POLG: variants seen among roughly 807,000 people sequenced by gnomAD.
POLG encodes DNA polymerase subunit gamma-1.
Under a neutral mutation model 155.4 loss-of-function variants are expected in POLG, and 110 were observed. The ratio of observed to expected loss-of-function variants is 0.71; its 90% CI spans 0.61 to 0.83. The LOEUF is 0.83. Among genes scored for constraint, POLG ranks in the 40% least tolerant of loss-of-function variants. POLG has a pLI of 0.00. For synonymous variants in POLG, 701 were observed against 631.5 expected, an observed-to-expected ratio of 1.11 and a Z score of -1.65; for missense variants, 1,685 against 1,627.5, an observed-to-expected ratio of 1.04 and a Z score of -0.61.
At chr15:89,334,008 C>T (rs780355946) in intron 1 of POLG, 95 bp from the exon 2 acceptor site, 1 of 566,344 alleles carries the variant, frequency 1.8e-6, no homozygotes, top group Non-Finnish European at 3.1e-6. Flanking sequence ...GCGTCCCCAA[C>T]ACTGTGCCAG....
intron 10 of POLG, among the ~76,000 whole-genome samples, chr15:89,325,123 TGAGTGA>T (rs1229869559): frequency 2.5e-5 from 1 of 39,294 alleles, no homozygotes; most frequent in South Asian, 8.1e-4. Context: ...AGTGAGTGAG[TGAGTGA>T]GAGAGTGAGT....
intron 8 of POLG, 28 bp from the exon 9 acceptor site, chr15:89,326,766 A>G: frequency 1.2e-6 from 2 of 1,614,008 alleles, no homozygotes; most frequent in Admixed American, 1.7e-5. Flanking sequence ...GACAATCAGG[A>G]GCAGGAGAAG....
Position 89,332,007 on chromosome 15 carries a change from C to G in POLG, c.659+1089G>C, listed in dbSNP as rs148080933. On this transcript the variant is annotated intron_variant, in intron 2 of 22. Transcript: ENST00000268124. ...TTGAGGTAATTTGGCCTAAAATGAC[C>G]GACAGATCAAAAAACAAATCTTTCT... Among the ~76,000 whole-genome samples the G allele has an allele frequency of 2.6e-4, 40 of 152,244 alleles. 2 individuals are homozygous for G. The highest frequency in any genetic ancestry group is 2.5e-3 in the East Asian group (13 of 5,182).
intron 22 of POLG, 85 bp downstream of exon 22, chr15:89,317,291 G>A: frequency 7.4e-7 from 1 of 1,352,082 alleles, no homozygotes; most frequent in Non-Finnish European, 1.1e-6. Flanking sequence ...ATTCTCTGGG[G>A]CCCCAAGTTT....
chr15:89,328,051 T>A (rs922134335), intron 6 of POLG, among the ~76,000 whole-genome samples: 6 of 149,938 alleles, frequency 4.0e-5, no homozygotes, highest in Admixed American at 3.3e-4. Context: ...AGTCAAAAGT[T>A]ACACCCAAAT....
rs529548208 is a variant in POLG at position 89,329,228 on chromosome 15, C to T, written c.856-118G>A. On this transcript the variant is annotated intron_variant, in intron 3 of 22. Transcript: ENST00000268124. ...CACCTCAGCTCCTCAAACAGCCTCCCCTCCCAGCACACAGCCTTCAACACC... is the reference window on the plus strand; with the variant it reads ...CACCTCAGCTCCTCAAACAGCCTCCTCTCCCAGCACACAGCCTTCAACACC... 6.4e-5 allele frequency: 51 copies of T among 791,662 alleles called. No homozygotes were observed. In the South Asian group the frequency reaches 7.4e-4, roughly 12 times the overall value. The allele number at this position is 791,662 out of a possible 1,614,324, so 49.0% of individuals were successfully genotyped here. A position where few individuals can be genotyped will look rare whatever the true frequency, so the allele number is the denominator to read the frequency against.
rs781373845 is a variant in POLG at position 89,316,709 on chromosome 15, G to A, written c.*42C>T. The A allele has an allele frequency of 3.1e-5, 47 of 1,522,276 alleles. No homozygotes were observed. The highest frequency in any genetic ancestry group is 1.8e-4 in the Admixed American group (11 of 59,874). 94.3% of individuals were successfully genotyped at this position (1,522,276 alleles called of 1,614,324 possible). On this transcript the variant is annotated 3_prime_UTR_variant, in exon 23 of 23. Transcript: ENST00000268124. ...TGAGTTTGGGAGCCTGCACCACCCC[G>A]ATGAAGCTCCACGGGAGCAAATACA...
At chr15:89,330,375 T>A (rs367924188) in intron 2 of POLG, 99 bp from the exon 3 acceptor site, 2 of 944,296 alleles carry the variant, frequency 2.1e-6, no homozygotes, top group Non-Finnish European at 3.3e-6. Context: ...AGATGGTGCA[T>A]TGGCAGCTGG....
intron 10 of POLG, 47 bp downstream of exon 10, chr15:89,325,403 G>T (rs1021586995): frequency 1.0e-5 from 14 of 1,342,816 alleles, no homozygotes; most frequent in Non-Finnish European, 1.5e-5. Flanking sequence ...GCCAGGGGAA[G>T]GGGTCCCTAG....
intron 18 of POLG, among the ~76,000 whole-genome samples, chr15:89,320,128 ATAC>A (rs1400894058): frequency 6.6e-6 from 1 of 152,228 alleles, no homozygotes; most frequent in African/African-American, 2.4e-5. Flanking sequence ...CATTTATCAC[ATAC>A]TTAACTTTTA....
intron 3 of POLG, among the ~76,000 whole-genome samples, chr15:89,329,865 C>T (rs952115886): frequency 2.6e-5 from 4 of 152,214 alleles, no homozygotes; most frequent in Admixed American, 1.3e-4. Context: ...GCCATTATTA[C>T]TTTGTGACAA....
chr15:89,324,062 A>G (rs753100364), intron 11 of POLG, 45 bp downstream of exon 11: 1 of 1,613,206 alleles, frequency 6.2e-7, no homozygotes, highest in South Asian at 1.1e-5. Context: ...GGTGGAATAC[A>G]GAGACCTCCC....
At chr15:89,321,375 A>C in intron 16 of POLG, 115 bp from the exon 17 acceptor site, 1 of 1,206,390 alleles carries the variant, frequency 8.3e-7, no homozygotes, top group Non-Finnish European at 1.2e-6. Context: ...AGAATGCCAG[A>C]CAGCACTGCT....
At position 89,333,564 on chromosome 15, in the gene POLG, G is replaced by C. The variant is rs1397887879; in HGVS notation, c.191C>G (p.Ser64Trp). 1 of 1,610,934 alleles carries C rather than the reference G, an allele frequency of 6.2e-7. No individual in the cohort carries two copies. Among genetic ancestry groups the C allele is most frequent in the African/African-American group, 1.3e-5 (1 of 74,836 alleles). The stretch of plus-strand genomic sequence containing the variant: ...GTTGTGCCGCAGCTGCCCGCCCTCC[G>C]AGGATAGCACTTGCGGCTGCTGAGG... ...QQPQQPQVLS[S>W]EGGQLRHNPL... Residue 64 changes from serine (S) to tryptophan (W), a missense_variant, in exon 2 of 23, where the codon TCG (serine) becomes TGG (tryptophan). Around this residue, in one of 3 missense-constraint regions of POLG, gnomAD observed 1,210 missense variants for 1,167.1 expected, o/e 1.04. Transcript: ENST00000268124.
At position 89,325,177 on chromosome 15, in the gene POLG, AGAGAGTGAGTGAGTGAGAGAGTGAGT is replaced by A. The variant is rs2055482747; in HGVS notation, c.1949+247_1949+272del. On this transcript the variant is annotated intron_variant, in intron 10 of 22. Transcript: ENST00000268124. Reference sequence around the variant, plus strand: ...GAGTGAGTGAGTGAGTGAGAGAGTGAGAGAGTGAGTGAGTGAGAGAGTGAGTGAGAGAGTGAGTGAGTGAGAGAGTG... The same window carrying A: ...GAGTGAGTGAGTGAGTGAGAGAGTGAGAGAGAGTGAGTGAGTGAGAGAGTG... Among the ~76,000 whole-genome samples, 6 of 93,586 alleles carry A rather than the reference AGAGAGTGAGTGAGTGAGAGAGTGAGT, an allele frequency of 6.4e-5. 1 individual carries two copies. Among genetic ancestry groups the A allele is most frequent in the Admixed American group, 5.9e-4 (6 of 10,196 alleles). The allele number at this position is 93,586 out of a possible 152,430, so 61.4% of individuals were successfully genotyped here.
rs41556814 is a variant in POLG at position 89,324,333 on chromosome 15, A to G, written c.1950-106T>C. 10,361 of 1,308,424 alleles carry G rather than the reference A, an allele frequency of 7.9e-3. 70 individuals carry two copies. Among genetic ancestry groups the G allele is most frequent in the Middle Eastern group, 0.013 (71 of 5,548 alleles). 81.1% of individuals were successfully genotyped at this position (1,308,424 alleles called of 1,614,324 possible). A position where few individuals can be genotyped will look rare whatever the true frequency, so the allele number is the denominator to read the frequency against. On this transcript the variant is annotated intron_variant, in intron 10 of 22. Transcript: ENST00000268124. ...CAATTCCCTTTGTTTAGTCCTCAGAATCAGCTCTGAGGCAGAACCAGATAG... is the reference window on the plus strand; with the variant it reads ...CAATTCCCTTTGTTTAGTCCTCAGAGTCAGCTCTGAGGCAGAACCAGATAG...
Position 89,327,009 on chromosome 15 carries a change from C to T in POLG, c.1488G>A (p.Lys496=), listed in dbSNP as rs2055530822. 6.2e-7 allele frequency: 1 copy of T among 1,614,228 alleles called. No homozygotes were observed. Among genetic ancestry groups the T allele is most frequent in the African/African-American group, 1.3e-5 (1 of 75,062 alleles). Reference sequence around the variant, plus strand: ...TCTTCACCTTCTTAGCTTTCTTCTGCTTAAATTCTTGCAGGTCCCACTCCA... The same window carrying T: ...TCTTCACCTTCTTAGCTTTCTTCTGTTTAAATTCTTGCAGGTCCCACTCCA... ...WDLEWDLQEF[K]QKKAKKVKKE... Residue 496 remains lysine (K), a synonymous_variant, in exon 8 of 23, where the codon AAG becomes AAA. Coordinates refer to ENST00000268124, the MANE Select transcript of POLG (RefSeq NM_002693.3).
Position 89,325,468 on chromosome 15 carries a change from C to T in POLG, c.1931G>A (p.Gly644Glu), listed in dbSNP as rs1399714899. 6.2e-7 allele frequency: 1 copy of T among 1,604,156 alleles called. No individual in the cohort carries two copies. Among genetic ancestry groups the T allele is most frequent in the Non-Finnish European group, 8.5e-7 (1 of 1,179,646 alleles). ...GCCTTACCTGTAGGGGCAGACCACC[C>T]CAGCTGACTCCAGGGTGGTACCTGT... ...LPTGTTLESAGVVCPYRAIES... is the reference protein window; with the variant it reads ...LPTGTTLESAEVVCPYRAIES... Residue 644 changes from glycine (G) to glutamate (E), a missense_variant, in exon 10 of 23, where the codon GGG becomes GAG. Physicochemically the swap from Gly to Glu is moderately conservative, Grantham distance 98. Coordinates refer to ENST00000268124, the MANE Select transcript of POLG (RefSeq NM_002693.3).
In POLG at chr15:89,324,156, C is replaced by T. The variant is rs200257554; in HGVS notation, c.2021G>A (p.Gly674Asp). 483 of 1,613,856 alleles carry T rather than the reference C, an allele frequency of 3.0e-4. 3 individuals are homozygous for T. The highest frequency in any genetic ancestry group is 1.9e-3 in the South Asian group (170 of 91,088). The change falls in exon 11 of 23, where the codon GGC (glycine) becomes GAC (aspartate). Residue 674 changes from glycine (G) to aspartate (D), a missense_variant. Gly to Asp is a moderately conservative substitution (Grantham distance 94). This residue lies in a region of POLG where 1,210 missense variants were observed against 1,167.1 expected (regional missense o/e 1.04). Transcript: ENST00000268124. ...GKQQLMPQEA[G>D]LAEEFLLTDN... ...AGTGAGCAGGAACTCCTCCGCCAGG[C>T]CGGCCTCCTGGGGCATCAGCTGCTG...
Sources: allele counts gnomAD v4.1 joint callset (sites outside exome capture counted in the v4.1 genomes callset), GRCh38; gene constraint gnomAD v4.1.1; regional missense constraint gnomAD v4.1.1; transcripts MANE v1.5; gene names NCBI Gene and HGNC (gene_info 2026-07-23, HGNC 2026-07-21).